Variants in DPYD observed in about 807,000 individuals in gnomAD.
The protein encoded by DPYD is dihydropyrimidine dehydrogenase [NADP(+)].
A neutral mutation model predicts 116.2 loss-of-function variants in DPYD; 109 were observed. That is an observed-to-expected ratio of 0.94 (90% confidence interval 0.80 to 1.10). The LOEUF is 1.10. DPYD is among the 50% of genes least tolerant of loss of function. DPYD has a pLI of 0.00. For synonymous variants in DPYD, 440 were observed against 432.0 expected, an observed-to-expected ratio of 1.02 and a Z score of -0.23; for missense variants, 1,302 against 1,254.5, an observed-to-expected ratio of 1.04 and a Z score of -0.57.
At chr1:97,244,916 T>C (rs776067704) in intron 18 of DPYD, among the ~76,000 whole-genome samples, 4 of 152,086 alleles carry the variant, frequency 2.6e-5, no homozygotes, top group South Asian at 2.1e-4. Flanking sequence ...CTTATACTAC[T>C]AAGATCCATT....
chr1:97,169,814 C>T (rs545712145), intron 20 of DPYD, among the ~76,000 whole-genome samples: 3 of 152,180 alleles, frequency 2.0e-5, no homozygotes, highest in South Asian at 4.1e-4. Context: ...TTATGCTCTG[C>T]CTTGGATTGT....
intron 1 of DPYD, among the ~76,000 whole-genome samples, chr1:97,886,935 T>C (rs1167013835): frequency 6.6e-6 from 1 of 151,730 alleles, no homozygotes; most frequent in Non-Finnish European, 1.5e-5. Context: ...CAAATTTAAC[T>C]GAATCACACT....
intron 16 of DPYD, among the ~76,000 whole-genome samples, chr1:97,359,160 A>G (rs1434932684): frequency 6.6e-6 from 1 of 152,192 alleles, no homozygotes; most frequent in Non-Finnish European, 1.5e-5. Flanking sequence ...GAACTACGTG[A>G]CACATGCACA....
rs1364122433 is a variant in DPYD at position 97,766,198 on chromosome 1, G to A, written c.234-25719C>T. On this transcript the variant is annotated intron_variant, in intron 3 of 22. Transcript: ENST00000370192. Reference sequence around the variant, plus strand: ...GGAGGTTATGGTGAGCCGAGATTGCGCCATTGCACTCCAGCCTAGGCAACA... The same window carrying A: ...GGAGGTTATGGTGAGCCGAGATTGCACCATTGCACTCCAGCCTAGGCAACA... 3.3e-5 allele frequency among the ~76,000 whole-genome samples: 5 copies of A among 152,138 alleles called. No individual in the cohort carries two copies. In the South Asian group the frequency reaches 6.2e-4, roughly 19 times the overall value.
intron 14 of DPYD, among the ~76,000 whole-genome samples, chr1:97,405,526 GT>G (rs1340270334): frequency 6.6e-6 from 1 of 151,466 alleles, no homozygotes; most frequent in Non-Finnish European, 1.5e-5. Flanking sequence ...TCTTTTGTTT[GT>G]TTTTTTGAGA....
intron 5 of DPYD, among the ~76,000 whole-genome samples, chr1:97,703,918 A>G (rs1661749990): frequency 6.6e-6 from 1 of 152,058 alleles, no homozygotes; most frequent in African/African-American, 2.4e-5. Flanking sequence ...CAAAATTCCT[A>G]AAAATTTAAT....
At chr1:97,341,884 T>C (rs923640963) in intron 16 of DPYD, among the ~76,000 whole-genome samples, 73 of 152,154 alleles carry the variant, frequency 4.8e-4, no homozygotes, top group African/African-American at 1.5e-3. Context: ...AAATTGGCTA[T>C]AGTGAGAGAA....
chr1:97,523,688 G>T (rs1183977299), intron 12 of DPYD, among the ~76,000 whole-genome samples: 1 of 151,784 alleles, frequency 6.6e-6, no homozygotes, highest in African/African-American at 2.4e-5. Flanking sequence ...ATGCATCTTT[G>T]CATTTTGCCT....
At chr1:97,568,063 A>C (rs1652654130) in intron 11 of DPYD, among the ~76,000 whole-genome samples, 1 of 152,144 alleles carries the variant, frequency 6.6e-6, no homozygotes, top group Non-Finnish European at 1.5e-5. Flanking sequence ...AGAATTGATA[A>C]TAGTTTAAAA....
chr1:97,245,762 C>T (rs1662678549), intron 18 of DPYD, among the ~76,000 whole-genome samples: 1 of 152,158 alleles, frequency 6.6e-6, no homozygotes, highest in Non-Finnish European at 1.5e-5. Context: ...CCTATTACTT[C>T]TTCCTTTGGA....
In DPYD at chr1:97,667,399, A is replaced by G. The variant is rs60115149; in HGVS notation, c.850+11696T>C. Among the ~76,000 whole-genome samples the G allele has an allele frequency of 2.6e-5, 4 of 152,228 alleles. No homozygotes were observed. The East Asian group carries it at 7.7e-4, about 29-fold the overall frequency. ...TCTTATTTTCTAATTCATCTTGTTG[A>G]TTAATCATATGTTTATATACTTAAA... On this transcript the variant is annotated intron_variant, in intron 8 of 22. Transcript: ENST00000370192.
chr1:97,367,700 T>G (rs1175720857), intron 16 of DPYD, among the ~76,000 whole-genome samples: 1 of 152,136 alleles, frequency 6.6e-6, no homozygotes, highest in Non-Finnish European at 1.5e-5. Context: ...GAACTTTCTA[T>G]CCAAAGAAAT....
intron 8 of DPYD, among the ~76,000 whole-genome samples, chr1:97,653,961 G>T (rs1255122271): frequency 6.6e-6 from 1 of 152,190 alleles, no homozygotes; most frequent in Non-Finnish European, 1.5e-5. Context: ...GATCTCTGTT[G>T]AAGTCTGAAC....
chr1:97,614,400 T>C (rs1409116862), intron 8 of DPYD, among the ~76,000 whole-genome samples: 1 of 152,070 alleles, frequency 6.6e-6, no homozygotes, highest in African/African-American at 2.4e-5. Context: ...GTGAATGATA[T>C]TTATAAGACT....
At chr1:97,288,664 C>A (rs11165835) in intron 18 of DPYD, among the ~76,000 whole-genome samples, 69,614 of 125,926 alleles carry the variant, frequency 0.55, 19,904 homozygotes, top group East Asian at 0.67. Context: ...ACATACCAGA[C>A]TCTCTGGGAC....
intron 11 of DPYD, among the ~76,000 whole-genome samples, chr1:97,559,894 C>T (rs1471351544): frequency 3.3e-5 from 5 of 152,174 alleles, no homozygotes; most frequent in Non-Finnish European, 7.4e-5. Flanking sequence ...ATGTAGCTGG[C>T]TCTAGGCTAG....
chr1:97,881,573 T>C (rs1444849775), intron 2 of DPYD, among the ~76,000 whole-genome samples: 1 of 152,050 alleles, frequency 6.6e-6, no homozygotes, highest in Admixed American at 6.6e-5. Context: ...ACCTTGGTTA[T>C]TATTTTTAAA....
intron 14 of DPYD, among the ~76,000 whole-genome samples, chr1:97,386,923 T>C (rs1672380089): frequency 6.6e-6 from 1 of 152,044 alleles, no homozygotes; most frequent in African/African-American, 2.4e-5. Flanking sequence ...AGTATTTTGC[T>C]GTACTCCGTT....
intron 19 of DPYD, among the ~76,000 whole-genome samples, chr1:97,204,914 C>G (rs944032121): frequency 7.2e-5 from 11 of 151,966 alleles, no homozygotes; most frequent in Non-Finnish European, 2.9e-5. Context: ...TAAGAGGACC[C>G]GACTTGATCC....
Sources: gnomAD v4.1 joint callset for allele counts (sites outside exome capture counted in the v4.1 genomes callset) on GRCh38, gnomAD v4.1.1 for gene constraint, MANE v1.5 for transcripts, NCBI Gene and HGNC (gene_info 2026-07-23, HGNC 2026-07-21) for gene names.